The following FBN3 variants were observed in gnomAD, a reference collection of about 807,000 sequenced individuals.
FBN3 encodes fibrillin-3.
In FBN3, 234 loss-of-function variants were observed where a neutral mutation model predicts 330.1. The ratio of observed to expected loss-of-function variants is 0.71; its 90% CI spans 0.64 to 0.79. The LOEUF (loss-of-function observed/expected upper bound fraction) is 0.79, where lower values mean the gene tolerates loss of function less well. Among genes scored for constraint, FBN3 ranks in the 30% least tolerant of loss-of-function variants. The pLI is 0.00. For missense variants in FBN3, 3,606 were observed against 3,886.9 expected (o/e 0.93, Z 1.92); for synonymous variants, 1,458 against 1,517.3 (o/e 0.96, Z 0.91).
chr19:8,123,419 C>T, intron 24 of FBN3, 45 bp downstream of exon 24: 1 of 1,598,038 alleles, frequency 6.3e-7, no homozygotes, highest in Non-Finnish European at 8.6e-7. Flanking sequence ...GCCCCTATCC[C>T]TGCCAAGGAT....
rs200452726 is a variant in FBN3, at chr19:8,103,552, C to T, written c.4939+10G>A. ...TGACTGCCAGTTCCCTAGGTCATCACGCTTCTTACCCATGCAGTTGTTGCC... is the reference window on the plus strand; with the variant it reads ...TGACTGCCAGTTCCCTAGGTCATCATGCTTCTTACCCATGCAGTTGTTGCC... On this transcript the variant is annotated intron_variant, in intron 39 of 63. Coordinates refer to ENST00000600128, the MANE Select transcript of FBN3 (RefSeq NM_032447.5). 97 of 1,611,174 alleles carry T rather than the reference C, an allele frequency of 6.0e-5. 1 individual carries two copies. Among genetic ancestry groups the T allele is most frequent in the East Asian group, 4.5e-4 (20 of 44,798 alleles).
chr19:8,111,016 A>T (rs1365993432), intron 33 of FBN3, 42 bp downstream of exon 33: 10 of 1,612,082 alleles, frequency 6.2e-6, no homozygotes, highest in Non-Finnish European at 8.5e-6. Context: ...TGCAGGGGGG[A>T]CCTACCCACT....
At chr19:8,072,385 T>A (rs1249266971) in intron 62 of FBN3, among the ~76,000 whole-genome samples, 187 bp from the exon 63 acceptor site, 2 of 152,044 alleles carry the variant, frequency 1.3e-5, no homozygotes, top group African/African-American at 4.8e-5. Flanking sequence ...AGGGTGTGCA[T>A]GTGTGTCCCT....
intron 46 of FBN3, among the ~76,000 whole-genome samples, 186 bp downstream of exon 46, chr19:8,095,189 T>G (rs781264215): frequency 8.5e-5 from 13 of 152,098 alleles, no homozygotes. Flanking sequence ...CAGGCTAGTC[T>G]CAAACTCCTG....
rs1001719549 is a variant in FBN3 at position 8,090,108 on chromosome 19, C to T, written c.6175G>A (p.Glu2059Lys). Residue 2059 changes from glutamate to lysine, a missense_variant, in exon 49 of 64, where the codon GAG becomes AAG. Physicochemically the swap from Glu to Lys is moderately conservative, Grantham distance 56. Transcript: ENST00000600128. ...AGGGGTGGGCACTCACCGCTGCCCT[C>T]CTGGGGACACAGTTCGCAGGGGTCT... ...WGDPCELCPQEGSAAFQELCP... is the reference protein window; with the variant it reads ...WGDPCELCPQKGSAAFQELCP... 6.2e-7 allele frequency: 1 copy of T among 1,613,688 alleles called. No individual in the cohort carries two copies. The highest frequency in any genetic ancestry group is 2.2e-5 in the East Asian group (1 of 44,860).
At position 8,091,578 on chromosome 19, in the gene FBN3, C is replaced by G; in HGVS notation, c.5918G>C (p.Cys1973Ser). The G allele has an allele frequency of 6.2e-7, 1 of 1,614,006 alleles. No homozygotes were observed. Among genetic ancestry groups the G allele is most frequent in the Non-Finnish European group, 8.5e-7 (1 of 1,179,936 alleles). ...GAGGCAGAGGTTGGGCTCCTCTGAG[C>G]ACTCGTCGATATCTGGAAGGGCAGG... ...QSDHCIDIDE[C>S]SEEPNLCLFG... is the part of the protein sequence containing the mutation. Residue 1973 changes from cysteine to serine, a missense_variant, in exon 48 of 64, where the codon TGC (cysteine) becomes TCC (serine). Physicochemically the swap from Cys to Ser is moderately radical, Grantham distance 112 (BLOSUM62 -1). Transcript: ENST00000600128.
At chr19:8,100,995 G>A (rs1568395029) in intron 40 of FBN3, 23 bp from the exon 41 acceptor site, 3 of 1,605,382 alleles carry the variant, frequency 1.9e-6, no homozygotes, top group Non-Finnish European at 1.7e-6. Context: ...GAACAAAGCT[G>A]AGTCTGGGGC....
Position 8,136,151 on chromosome 19 carries a change from CCAA to C in FBN3, c.1465+36_1465+38del, listed in dbSNP as rs139453646. 38 of 1,605,488 alleles carry C rather than the reference CCAA, an allele frequency of 2.4e-5. 1 individual carries two copies. The highest frequency in any genetic ancestry group is 1.3e-4 in the African/African-American group (9 of 67,478). On this transcript the variant is annotated intron_variant, in intron 12 of 63. Transcript: ENST00000600128. ...ACCCTCCAAGCCTGGGCCAGAACCCCCAACAACATCACCCCTACTCTTGGATGG... is the reference window on the plus strand; with the variant it reads ...ACCCTCCAAGCCTGGGCCAGAACCCCCAACATCACCCCTACTCTTGGATGG...
Position 8,095,920 on chromosome 19 carries a change from T to C in FBN3, c.5656+44A>G, listed in dbSNP as rs371321969. ...TTTCTAGATTCACTTCCTTAGATTC[T>C]GAGAACCCACTTTGTGGCCAGCCTG... On this transcript the variant is annotated intron_variant, in intron 45 of 63. Coordinates refer to ENST00000600128, the MANE Select transcript of FBN3 (RefSeq NM_032447.5). The C allele has an allele frequency of 1.2e-4, 148 of 1,273,682 alleles. 1 individual carries two copies. The highest frequency in any genetic ancestry group is 1.6e-4 in the Non-Finnish European group (144 of 875,982). 78.9% of individuals were successfully genotyped at this position (1,273,682 alleles called of 1,614,324 possible).
Position 8,086,201 on chromosome 19 carries a change from G to T in FBN3, c.6879C>A (p.His2293Gln). 6.3e-7 allele frequency: 1 copy of T among 1,599,516 alleles called. No homozygotes were observed. The highest frequency in any genetic ancestry group is 8.5e-7 in the Non-Finnish European group (1 of 1,170,716). The change falls in exon 55 of 64, where the codon CAC becomes CAA. Residue 2293 changes from histidine to glutamine, a missense_variant and splice_region_variant. Physicochemically the swap from His to Gln is conservative, Grantham distance 24. Transcript: ENST00000600128. ...FQPSPTLTECHDIRQGPCFAE... is the reference protein window; with the variant it reads ...FQPSPTLTECQDIRQGPCFAE... Reference sequence around the variant, plus strand: ...CTGTGCGTGTCCAGCCACACTCACCGTGGCACTCGGTAAGGGTGGGGCTGG... The same window carrying T: ...CTGTGCGTGTCCAGCCACACTCACCTTGGCACTCGGTAAGGGTGGGGCTGG...
In FBN3 at chr19:8,129,233, T is replaced by C. The variant is rs544125434; in HGVS notation, c.2170+7A>G. 29 of 1,613,894 alleles carry C rather than the reference T, an allele frequency of 1.8e-5. No homozygotes were observed. In the South Asian group the frequency reaches 2.6e-4, roughly 15 times the overall value. ...CCACACATCCGCCCGCCAGGTGGCATGCTCACCTGTGCAGTCCTTGCCTGA... is the reference window on the plus strand; with the variant it reads ...CCACACATCCGCCCGCCAGGTGGCACGCTCACCTGTGCAGTCCTTGCCTGA... On this transcript the variant is annotated splice_region_variant and intron_variant, in intron 17 of 63. Transcript: ENST00000600128. This position sits in a 1 kb window ranked among gnomAD's most constrained non-coding sequence, Gnocchi z 4.5.
chr19:8,141,800 C>T lies in FBN3; in HGVS notation c.782G>A (p.Gly261Asp). ...GGAGCCCACCATGTTGACGCAGCTGCCTCCCTGGCACAGGCCTGGCACAGC... is the reference window on the plus strand; with the variant it reads ...GGAGCCCACCATGTTGACGCAGCTGTCTCCCTGGCACAGGCCTGGCACAGC... ...CQAVPGLCQG[G>D]SCVNMVGSFH... The change falls in exon 8 of 64, where the codon GGC becomes GAC. Residue 261 changes from glycine (G) to aspartate (D), a missense_variant. Coordinates refer to ENST00000600128, the MANE Select transcript of FBN3 (RefSeq NM_032447.5). 1 of 1,614,184 alleles carries T rather than the reference C, an allele frequency of 6.2e-7. No individual in the cohort carries two copies. The highest frequency in any genetic ancestry group is 2.2e-5 in the East Asian group (1 of 44,886).
Position 8,109,454 on chromosome 19 carries a change from C to T in FBN3, c.4457-66G>A. The stretch of plus-strand genomic sequence containing the variant: ...AAAGCTGTATGTGTGCGTGTGCATG[C>T]ATGTGTCTATTTCAACAGGTGACAA... On this transcript the variant is annotated intron_variant, in intron 35 of 63. Transcript: ENST00000600128. The surrounding 1 kb of genome is among the most constrained non-coding windows in gnomAD (Gnocchi z 5.2). 10 of 1,581,022 alleles carry T rather than the reference C, an allele frequency of 6.3e-6. No individual in the cohort carries two copies. Among genetic ancestry groups the T allele is most frequent in the Middle Eastern group, 3.3e-4 (2 of 5,972 alleles).
intron 40 of FBN3, among the ~76,000 whole-genome samples, chr19:8,102,005 T>C (rs1006992928): frequency 1.3e-5 from 2 of 152,038 alleles, no homozygotes; most frequent in African/African-American, 4.8e-5. Context: ...AACTGAGTCA[T>C]GGGGGTGGGT....
At position 8,121,284 on chromosome 19, in the gene FBN3, C is replaced by T; in HGVS notation, c.3185G>A (p.Gly1062Asp). Reference sequence around the variant, plus strand: ...CATGCAGTTCTTCATCAGCATGAAGCCACTCTCGTAGCCGGGAAAACACTC... The same window carrying T: ...CATGCAGTTCTTCATCAGCATGAAGTCACTCTCGTAGCCGGGAAAACACTC... ...ECECFPGYESGFMLMKNCMDV... is the reference protein window; with the variant it reads ...ECECFPGYESDFMLMKNCMDV... Residue 1062 changes from glycine to aspartate, a missense_variant, in exon 25 of 64, where the codon GGC becomes GAC. Gly to Asp is a moderately conservative substitution (Grantham distance 94). Coordinates refer to ENST00000600128, the MANE Select transcript of FBN3 (RefSeq NM_032447.5). This position sits in a 1 kb window ranked among gnomAD's most constrained non-coding sequence, Gnocchi z 4.5. 2 of 1,611,160 alleles carry T rather than the reference C, an allele frequency of 1.2e-6. No individual in the cohort carries two copies. Among genetic ancestry groups the T allele is most frequent in the Non-Finnish European group, 1.7e-6 (2 of 1,178,382 alleles).
rs767150207 is a variant in FBN3, at chr19:8,087,245, G to A, written c.6620-34C>T. The A allele has an allele frequency of 2.6e-6, 4 of 1,543,034 alleles. No individual in the cohort carries two copies. In the East Asian group the frequency reaches 9.3e-5, roughly 36 times the overall value. Reference sequence around the variant, plus strand: ...GACCAGAGACAGATGGTCAGTCAAGGCCAGGCACCCTATGGCTGTGGGGAC... The same window carrying A: ...GACCAGAGACAGATGGTCAGTCAAGACCAGGCACCCTATGGCTGTGGGGAC... On this transcript the variant is annotated intron_variant, in intron 53 of 63. Transcript: ENST00000600128.
chr19:8,086,440 AT>A, intron 54 of FBN3, 115 bp from the exon 55 acceptor site: 1 of 376,968 alleles, frequency 2.7e-6, no homozygotes, highest in Non-Finnish European at 4.3e-6. Flanking sequence ...TTTTTATTTT[AT>A]TTATTTTTAT....
At chr19:8,130,104 G>A (rs2083089198) in intron 16 of FBN3, among the ~76,000 whole-genome samples, 1 of 151,884 alleles carries the variant, frequency 6.6e-6, no homozygotes, top group Admixed American at 6.6e-5. Context: ...CACCATGTTG[G>A]CCAGGCTGGT....
chr19:8,116,484 A>C (rs1371412341), intron 29 of FBN3, among the ~76,000 whole-genome samples, 190 bp downstream of exon 29: 1 of 152,252 alleles, frequency 6.6e-6, no homozygotes, highest in Non-Finnish European at 1.5e-5. Flanking sequence ...TTTGGAGAGC[A>C]GACTTGGGGT....
Sources: allele counts gnomAD v4.1 joint callset (sites outside exome capture counted in the v4.1 genomes callset), GRCh38; gene constraint gnomAD v4.1.1; non-coding constraint Gnocchi (gnomAD v3.1); transcripts MANE v1.5; gene names NCBI Gene and HGNC (gene_info 2026-07-23, HGNC 2026-07-21).